Variants in MYPN observed in about 807,000 individuals in gnomAD.
MYPN encodes the protein sarcomeric protein myopalladin, 145 kDa (MYOP).
A neutral mutation model predicts 129.4 loss-of-function variants in MYPN; 63 were observed. The observed-to-expected ratio is 0.49, with a 90% CI of 0.40 to 0.60. The LOEUF (loss-of-function observed/expected upper bound fraction) is 0.60. MYPN is among the 20% of genes least tolerant of loss of function. The pLI, the probability that MYPN is intolerant of heterozygous loss-of-function variation, is 0.00. For synonymous variants in MYPN, 629 were observed against 600.9 expected, an observed-to-expected ratio of 1.05 and a Z score of -0.68; for missense variants, 1,596 against 1,635.4, an observed-to-expected ratio of 0.98 and a Z score of 0.42.
At chr10:68,138,265 C>T (rs1361498943) in intron 2 of MYPN, among the ~76,000 whole-genome samples, 1 of 151,582 alleles carries the variant, frequency 6.6e-6, no homozygotes, top group Non-Finnish European at 1.5e-5. Flanking sequence ...ACCATGCCCA[C>T]TAATTTTTGT....
At chr10:68,125,193 G>C (rs2042306736) in intron 2 of MYPN, among the ~76,000 whole-genome samples, 2 of 152,136 alleles carry the variant, frequency 1.3e-5, no homozygotes, top group Non-Finnish European at 1.5e-5. Context: ...TGGCCACTCA[G>C]AAACCATTTA....
At chr10:68,207,125 G>T (rs551945069) in intron 19 of MYPN, among the ~76,000 whole-genome samples, 1 of 152,114 alleles carries the variant, frequency 6.6e-6, no homozygotes, top group African/African-American at 2.4e-5. Flanking sequence ...AGGCATGGTG[G>T]CACACACCTG....
chr10:68,093,470 G>A (rs1425570791), intron 1 of MYPN, among the ~76,000 whole-genome samples: 1 of 151,684 alleles, frequency 6.6e-6, no homozygotes, highest in Non-Finnish European at 1.5e-5. Flanking sequence ...CGAGCGTGGT[G>A]GCTCATGCCT....
chr10:68,170,410 A>T (rs2043127059), intron 10 of MYPN, among the ~76,000 whole-genome samples: 1 of 152,086 alleles, frequency 6.6e-6, no homozygotes, highest in African/African-American at 2.4e-5. Context: ...TATAGATATG[A>T]ATATATATAT....
At chr10:68,197,703 A>G (rs932897150) in intron 16 of MYPN, among the ~76,000 whole-genome samples, 1 of 152,084 alleles carries the variant, frequency 6.6e-6, no homozygotes, top group Non-Finnish European at 1.5e-5. Context: ...TAAAAATTAC[A>G]TTGGTATTAT....
At chr10:68,210,113 G>C (rs921083774) in intron 19 of MYPN, among the ~76,000 whole-genome samples, 173 bp from the exon 20 acceptor site, 1 of 152,192 alleles carries the variant, frequency 6.6e-6, no homozygotes, top group Non-Finnish European at 1.5e-5. Flanking sequence ...ATTCCTGGCA[G>C]GGAAGGCTTT....
intron 1 of MYPN, among the ~76,000 whole-genome samples, chr10:68,094,851 C>A (rs1390085311): frequency 2.0e-5 from 3 of 152,218 alleles, no homozygotes. Flanking sequence ...CACTTGAGGT[C>A]AGGAGTTCGA....
chr10:68,090,769 TCA>T (rs1159639069), intron 1 of MYPN, among the ~76,000 whole-genome samples: 2 of 152,306 alleles, frequency 1.3e-5, no homozygotes, highest in Non-Finnish European at 1.5e-5. Context: ...TGTGTTTATT[TCA>T]TGCTAAAGGT....
intron 18 of MYPN, among the ~76,000 whole-genome samples, chr10:68,203,690 C>T (rs1480477383): frequency 2.1e-4 from 2 of 9,550 alleles, no homozygotes; most frequent in Non-Finnish European, 5.9e-4. Flanking sequence ...AACGCGCACG[C>T]ACACACACAC....
At chr10:68,149,478 T>C (rs987330858) in intron 5 of MYPN, among the ~76,000 whole-genome samples, 2 of 152,102 alleles carry the variant, frequency 1.3e-5, no homozygotes, top group Non-Finnish European at 2.9e-5. Context: ...CAAAAAATTA[T>C]TTGTAGAGAC....
chr10:68,120,065 C>T (rs2042220559), intron 1 of MYPN, among the ~76,000 whole-genome samples: 1 of 152,196 alleles, frequency 6.6e-6, no homozygotes, highest in Non-Finnish European at 1.5e-5. Context: ...TTTTTCTCCA[C>T]TTTCCCACAC....
At chr10:68,132,830 G>A (rs1378922733) in intron 2 of MYPN, among the ~76,000 whole-genome samples, 5 of 152,050 alleles carry the variant, frequency 3.3e-5, no homozygotes, top group African/African-American at 9.7e-5. Flanking sequence ...TTCAATAACA[G>A]GGAGGCCATA....
rs564937726 is a variant in MYPN at position 68,135,387 on chromosome 10, A to G, written c.903-7553A>G. On this transcript the variant is annotated intron_variant, in intron 2 of 19. Coordinates refer to ENST00000358913, the MANE Select transcript of MYPN (RefSeq NM_032578.4). ...AGTAGCAGTCAAACAGGACATACAAATTGTGTCACAAAATTCAACATAACT... is the reference window on the plus strand; with the variant it reads ...AGTAGCAGTCAAACAGGACATACAAGTTGTGTCACAAAATTCAACATAACT... The G allele has an allele frequency of 3.7e-5, 26 of 694,814 alleles. No homozygotes were observed. The African/African-American group carries it at 4.8e-4, about 13-fold the overall frequency. 43.0% of individuals were successfully genotyped at this position (694,814 alleles called of 1,614,324 possible).
At chr10:68,094,163 T>C (rs1323350887) in intron 1 of MYPN, among the ~76,000 whole-genome samples, 1 of 152,176 alleles carries the variant, frequency 6.6e-6, no homozygotes, top group Non-Finnish European at 1.5e-5. Context: ...ATCTATATCT[T>C]GTGAAACCAA....
chr10:68,121,525 C>T lies in MYPN; in HGVS notation c.87C>T (p.Asn29=). The T allele has an allele frequency of 1.2e-6, 2 of 1,614,186 alleles. No individual in the cohort carries two copies. The highest frequency in any genetic ancestry group is 1.1e-5 in the South Asian group (1 of 91,078). ...SYLAETRHRG[N]NERSRAEPSS... ...TAGCTGAAACCAGACATCGGGGAAA[C>T]AATGAGAGGAGTCGAGCGGAGCCCT... is the stretch of plus-strand genomic sequence containing the variant. Residue 29 remains asparagine (N), a synonymous_variant, in exon 2 of 20, where the codon AAC becomes AAT. Transcript: ENST00000358913.
At position 68,088,063 on chromosome 10, in the gene MYPN, T is replaced by C. The variant is rs188128388; in HGVS notation, c.-2+71T>C. Among the ~76,000 whole-genome samples the C allele has an allele frequency of 8.1e-4, 124 of 152,286 alleles. 1 individual carries two copies. The highest frequency in any genetic ancestry group is 1.5e-3 in the Non-Finnish European group (101 of 68,026). ...TTTCTTAAGGGGATGTCCAGATAATTGAAATATTTAATACTGTCCCAGTAA... is the reference window on the plus strand; with the variant it reads ...TTTCTTAAGGGGATGTCCAGATAATCGAAATATTTAATACTGTCCCAGTAA... On this transcript the variant is annotated intron_variant, in intron 1 of 6. Transcript: ENST00000685154.
Position 68,178,712 on chromosome 10 carries a change from C to CAA in MYPN, c.2703+3265_2703+3266dup, listed in dbSNP as rs5785847. ...TGGGTGACAGAGCGAGACTCTGCCT[C>CAA]AAAAAAAAAAAAAAAGGAATCCAGG... On this transcript the variant is annotated intron_variant, in intron 12 of 19. Transcript: ENST00000358913. Among the ~76,000 whole-genome samples the CAA allele has an allele frequency of 4.7e-3, 591 of 125,190 alleles. 26 individuals are homozygous for CAA. The highest frequency in any genetic ancestry group is 8.3e-3 in the Middle Eastern group (2 of 240). The allele number at this position is 125,190 out of a possible 152,430, so 82.1% of individuals were successfully genotyped here. A position where few individuals can be genotyped will look rare whatever the true frequency, so the allele number is the denominator to read the frequency against.
At chr10:68,199,647 C>A (rs1237126415) in intron 17 of MYPN, 72 bp downstream of exon 17, 8 of 1,430,094 alleles carry the variant, frequency 5.6e-6, no homozygotes, top group Non-Finnish European at 7.9e-6. Context: ...AGAGCCTCTG[C>A]CAGAATTCCT....
chr10:68,137,620 T>C (rs1401256283), intron 2 of MYPN, among the ~76,000 whole-genome samples: 2 of 152,218 alleles, frequency 1.3e-5, no homozygotes. Flanking sequence ...AAATCACATT[T>C]GTTAATATCA....
Sources: allele counts gnomAD v4.1 joint callset (sites outside exome capture counted in the v4.1 genomes callset), GRCh38; gene constraint gnomAD v4.1.1; transcripts MANE v1.5; gene names NCBI Gene and HGNC (gene_info 2026-07-23, HGNC 2026-07-21).